Variants in R3HDM1 observed in about 807,000 individuals in gnomAD.
The protein encoded by R3HDM1 is R3H domain-containing protein 1.
Under a neutral mutation model 141.1 loss-of-function variants are expected in R3HDM1, and 46 were observed. The observed-to-expected ratio is 0.33, with a 90% CI of 0.26 to 0.42. R3HDM1 has a LOEUF of 0.42. R3HDM1 is among the 10% of genes least tolerant of loss of function. The pLI is 1.00. For missense variants in R3HDM1, 1,184 were observed against 1,368.3 expected (o/e 0.87, Z 2.12); for synonymous variants, 435 against 472.9 (o/e 0.92, Z 1.04).
chr2:135,627,329 G>A (rs898497819), intron 7 of R3HDM1, among the ~76,000 whole-genome samples: 2 of 151,702 alleles, frequency 1.3e-5, no homozygotes, highest in African/African-American at 4.8e-5. Flanking sequence ...TTTCCTTTTT[G>A]GATATCTTTA....
Position 135,621,508 on chromosome 2 carries a change from C to G in R3HDM1, c.318C>G (p.Ile106Met), listed in dbSNP as rs1168841445. ...ISQENQEKIQ[I>M]QLTQSFEKEE... ...CCTTCCAACAGGAGAAAATTCAGAT[C>G]CAGTTAACACAATCATTTGAGAAAG... Residue 106 changes from isoleucine (I) to methionine (M), a missense_variant, in exon 6 of 27, where the codon ATC becomes ATG. Ile to Met is a conservative substitution (Grantham distance 10). Transcript: ENST00000683871. 6.4e-7 allele frequency: 1 copy of G among 1,568,620 alleles called. No individual in the cohort carries two copies.
chr2:135,654,863 A>AGTGTGT lies in R3HDM1; in HGVS notation c.2028+2866_2028+2871dup, dbSNP rs60593262. 4.0e-4 allele frequency among the ~76,000 whole-genome samples: 55 copies of AGTGTGT among 136,710 alleles called. 1 individual carries two copies. Among genetic ancestry groups the AGTGTGT allele is most frequent in the East Asian group, 2.9e-3 (14 of 4,884 alleles). The allele number at this position is 136,710 out of a possible 152,430, so 89.7% of individuals were successfully genotyped here. A position where few individuals can be genotyped will look rare whatever the true frequency, so the allele number is the denominator to read the frequency against. ...TTTTTTGGAGTATGTGTGTATATAA[A>AGTGTGT]GTGTGTGTGTGTGTGTGTGTGTGTG... On this transcript the variant is annotated intron_variant, in intron 18 of 26. Coordinates refer to ENST00000683871, the MANE Select transcript of R3HDM1 (RefSeq NM_001378107.1).
chr2:135,557,418 A>C (rs1444997277), intron 1 of R3HDM1, among the ~76,000 whole-genome samples: 1 of 152,200 alleles, frequency 6.6e-6, no homozygotes, highest in East Asian at 1.9e-4. Context: ...CAAAGCATAC[A>C]AACTCAACAA....
intron 1 of R3HDM1, chr2:135,561,273 C>A: frequency 3.0e-6 from 3 of 984,384 alleles, no homozygotes; most frequent in Non-Finnish European, 3.6e-6. Context: ...AGCCAAAGTC[C>A]TGATTACATT....
intron 19 of R3HDM1, among the ~76,000 whole-genome samples, chr2:135,672,652 A>T (rs1320492673): frequency 1.3e-5 from 2 of 152,150 alleles, no homozygotes; most frequent in Non-Finnish European, 2.9e-5. Context: ...ATTTGTAACA[A>T]ATGACTAGAT....
intron 1 of R3HDM1, among the ~76,000 whole-genome samples, chr2:135,534,872 C>A (rs983302734): frequency 1.3e-5 from 2 of 152,038 alleles, no homozygotes; most frequent in African/African-American, 4.8e-5. Flanking sequence ...TAATTACATC[C>A]ATTTGAGTTA....
intron 21 of R3HDM1, among the ~76,000 whole-genome samples, chr2:135,692,370 C>G (rs1007740240): frequency 1.3e-5 from 2 of 152,132 alleles, no homozygotes; most frequent in African/African-American, 4.8e-5. Context: ...GAGGCCAAGG[C>G]GGGTGGATCA....
intron 1 of R3HDM1, among the ~76,000 whole-genome samples, chr2:135,595,325 A>C (rs972038398): frequency 6.6e-6 from 1 of 152,140 alleles, no homozygotes; most frequent in African/African-American, 2.4e-5. Context: ...CTGACCACTC[A>C]TGTATTGAAT....
At chr2:135,659,378 G>A (rs2066394473) in intron 18 of R3HDM1, among the ~76,000 whole-genome samples, 2 of 151,890 alleles carry the variant, frequency 1.3e-5, no homozygotes, top group African/African-American at 4.8e-5. Context: ...GATCACAGGT[G>A]TGAGCCCCTG....
At chr2:135,539,737 A>T (rs933923810) in intron 1 of R3HDM1, among the ~76,000 whole-genome samples, 1 of 152,228 alleles carries the variant, frequency 6.6e-6, no homozygotes, top group East Asian at 1.9e-4. Context: ...AAAAATGCAC[A>T]TATCTTAATT....
At chr2:135,596,419 T>C (rs2059194763) in intron 1 of R3HDM1, among the ~76,000 whole-genome samples, 1 of 152,250 alleles carries the variant, frequency 6.6e-6, no homozygotes, top group Non-Finnish European at 1.5e-5. Flanking sequence ...TAACACTCAG[T>C]ACTGACCACT....
chr2:135,701,107 T>C (rs2074134478), intron 21 of R3HDM1, among the ~76,000 whole-genome samples: 1 of 151,476 alleles, frequency 6.6e-6, no homozygotes, highest in Admixed American at 6.6e-5. Context: ...TACATTGGCC[T>C]GGCACAGTGG....
chr2:135,711,963 T>TAAAAAAAAAA, intron 23 of R3HDM1, among the ~76,000 whole-genome samples: 1 of 85,108 alleles, frequency 1.2e-5, no homozygotes, highest in Non-Finnish European at 2.1e-5. Context: ...TGTCTAAAAT[T>TAAAAAAAAAA]AAAAAAAAAA....
chr2:135,719,504 T>C (rs1168784235), intron 24 of R3HDM1, among the ~76,000 whole-genome samples: 1 of 151,926 alleles, frequency 6.6e-6, no homozygotes, highest in Non-Finnish European at 1.5e-5. Context: ...AAAGGAGTTA[T>C]CCATTAGATA....
chr2:135,621,665 C>G (rs1318302995), intron 6 of R3HDM1, 57 bp downstream of exon 6: 3 of 1,442,572 alleles, frequency 2.1e-6, no homozygotes, highest in Non-Finnish European at 2.8e-6. Flanking sequence ...TAATTCCATC[C>G]TTTTCCCCTT....
intron 1 of R3HDM1, among the ~76,000 whole-genome samples, chr2:135,550,953 T>C (rs1177999669): frequency 6.6e-6 from 1 of 152,230 alleles, no homozygotes; most frequent in African/African-American, 2.4e-5. Flanking sequence ...TGTTAGTTGC[T>C]TACAGCAAAT....
chr2:135,651,066 G>C (rs1472691584), intron 17 of R3HDM1: 2 of 985,108 alleles, frequency 2.0e-6, no homozygotes, highest in East Asian at 2.3e-4. Flanking sequence ...CCCTTGTCTT[G>C]GTAGGGCACC....
intron 11 of R3HDM1, 39 bp downstream of exon 11, chr2:135,636,222 A>G: frequency 6.3e-7 from 1 of 1,587,846 alleles, no homozygotes; most frequent in Non-Finnish European, 8.5e-7. Context: ...GTTAGAGTAT[A>G]TTCTAATTAC....
At chr2:135,575,293 C>G (rs914014394) in intron 1 of R3HDM1, among the ~76,000 whole-genome samples, 1 of 152,238 alleles carries the variant, frequency 6.6e-6, no homozygotes, top group Non-Finnish European at 1.5e-5. Context: ...AGCAATTCTT[C>G]TGCCTCAGCC....
Sources: allele counts gnomAD v4.1 joint callset (sites outside exome capture counted in the v4.1 genomes callset), GRCh38; gene constraint gnomAD v4.1.1; transcripts MANE v1.5; gene names NCBI Gene and HGNC (gene_info 2026-07-23, HGNC 2026-07-21).